Variants in AXDND1 observed in about 807,000 individuals in gnomAD.
AXDND1 encodes axonemal dynein light chain domain containing 1.
In AXDND1, 110 loss-of-function variants were observed where a neutral mutation model predicts 137.5. That is an observed-to-expected ratio of 0.80 (90% CI 0.69 to 0.94). The LOEUF (loss-of-function observed/expected upper bound fraction) is 0.94, where lower values mean the gene tolerates loss of function less well. Among genes scored for constraint, AXDND1 ranks in the 40% least tolerant of loss-of-function variants. AXDND1 has a pLI of 0.00. For synonymous variants in AXDND1, 414 were observed against 399.7 expected (o/e 1.04, Z -0.43); for missense variants, 1,191 against 1,169.8 (o/e 1.02, Z -0.26).
intron 6 of AXDND1, 36 bp downstream of exon 6, chr1:179,379,518 G>T: frequency 6.2e-7 from 1 of 1,604,862 alleles, no homozygotes; most frequent in Non-Finnish European, 8.5e-7. Flanking sequence ...ACCTGCCCCA[G>T]CTCGGTGGCC....
intron 16 of AXDND1, chr1:179,457,142 G>A (rs546383325): frequency 1.3e-4 from 119 of 889,104 alleles, no homozygotes; most frequent in Non-Finnish European, 1.8e-4. Flanking sequence ...CACCTTCTCC[G>A]CAGTGGCATG....
chr1:179,391,196 T>G (rs1408401503), intron 9 of AXDND1, among the ~76,000 whole-genome samples: 1 of 152,054 alleles, frequency 6.6e-6, no homozygotes, highest in African/African-American at 2.4e-5. Flanking sequence ...CATTACTTTC[T>G]CTCTTGCATA....
intron 16 of AXDND1, among the ~76,000 whole-genome samples, chr1:179,459,701 TTCC>T (rs1274789817): frequency 6.8e-6 from 1 of 147,312 alleles, no homozygotes; most frequent in East Asian, 2.0e-4. Flanking sequence ...CTTTCTTTCT[TTCC>T]TTTCTTTCTT....
intron 11 of AXDND1, among the ~76,000 whole-genome samples, chr1:179,399,288 A>G (rs1033473859): frequency 1.3e-5 from 2 of 152,224 alleles, no homozygotes; most frequent in African/African-American, 4.8e-5. Flanking sequence ...CTTACAGCCA[A>G]TTGATCTTCA....
intron 19 of AXDND1, among the ~76,000 whole-genome samples, 192 bp downstream of exon 19, chr1:179,491,929 G>T (rs78866587): frequency 3.3e-5 from 5 of 152,282 alleles, no homozygotes; most frequent in African/African-American, 1.2e-4. Context: ...AAAACTGTTG[G>T]CACGGGCAGG....
chr1:179,511,393 G>GT (rs1553300905), intron 21 of AXDND1, among the ~76,000 whole-genome samples: 2 of 145,076 alleles, frequency 1.4e-5, no homozygotes, highest in Non-Finnish European at 3.0e-5. Flanking sequence ...TGGTATATGG[G>GT]GTGTGTGTGT....
At chr1:179,407,056 A>G (rs1653079473) in intron 11 of AXDND1, among the ~76,000 whole-genome samples, 1 of 151,848 alleles carries the variant, frequency 6.6e-6, no homozygotes, top group Non-Finnish European at 1.5e-5. Context: ...ATGTGTTTGC[A>G]TGATGGTAGA....
At chr1:179,496,761 T>C (rs531720518) in intron 20 of AXDND1, among the ~76,000 whole-genome samples, 1 of 152,152 alleles carries the variant, frequency 6.6e-6, no homozygotes, top group South Asian at 2.1e-4. Context: ...TTGCTCTTCA[T>C]TTTCTGGTTT....
intron 6 of AXDND1, among the ~76,000 whole-genome samples, chr1:179,379,704 G>A (rs1647900226): frequency 1.3e-5 from 2 of 149,714 alleles, no homozygotes; most frequent in South Asian, 4.2e-4. Flanking sequence ...GCTGAGGCAG[G>A]AGAATCACTT....
chr1:179,376,517 G>A (rs1027617709), intron 4 of AXDND1, among the ~76,000 whole-genome samples: 40 of 152,200 alleles, frequency 2.6e-4, no homozygotes, highest in Admixed American at 1.5e-3. Context: ...GTCACCATGT[G>A]CTGTTGTGTC....
At chr1:179,456,633 C>T in intron 16 of AXDND1, 1 of 842,682 alleles carries the variant, frequency 1.2e-6, no homozygotes, top group Non-Finnish European at 2.0e-6. Context: ...GCCACCATAT[C>T]CATCACCACC....
At chr1:179,543,533 G>A (rs1045028902) in intron 25 of AXDND1, 3 of 152,252 alleles carry the variant, frequency 2.0e-5, no homozygotes, top group East Asian at 1.9e-4. Flanking sequence ...ATCAAGGTCT[G>A]TGCACAGGAG....
At chr1:179,396,508 C>T (rs985082030) in intron 11 of AXDND1, among the ~76,000 whole-genome samples, 8 of 151,536 alleles carry the variant, frequency 5.3e-5, no homozygotes, top group South Asian at 2.1e-4. Flanking sequence ...AATTAGCTGA[C>T]ATGGTGGCAC....
chr1:179,476,685 T>A (rs12136977), intron 17 of AXDND1, among the ~76,000 whole-genome samples: 69,356 of 151,958 alleles, frequency 0.46, 16,705 homozygotes, highest in East Asian at 0.76. Flanking sequence ...CCCACTGCTT[T>A]TTGGCACCTA....
intron 11 of AXDND1, among the ~76,000 whole-genome samples, chr1:179,402,350 A>G (rs1016417022): frequency 6.6e-6 from 1 of 152,042 alleles, no homozygotes; most frequent in African/African-American, 2.4e-5. Context: ...TATACCTTCA[A>G]TCCTACCTTT....
At chr1:179,521,191 C>T (rs1184047012) in intron 21 of AXDND1, among the ~76,000 whole-genome samples, 2 of 151,844 alleles carry the variant, frequency 1.3e-5, no homozygotes, top group Non-Finnish European at 2.9e-5. Context: ...TTCCTGGGCT[C>T]AAGTGATCCT....
At chr1:179,430,799 A>G (rs1340623006) in intron 14 of AXDND1, among the ~76,000 whole-genome samples, 193 bp downstream of exon 14, 1 of 152,172 alleles carries the variant, frequency 6.6e-6, no homozygotes, top group Non-Finnish European at 1.5e-5. Flanking sequence ...GTATCTCTCT[A>G]GTCCATCCCG....
rs1353610058 is a variant in AXDND1 at position 179,445,053 on chromosome 1, G to A, written c.1647G>A (p.Gln549=). The change falls in exon 16 of 26, where the codon CAG becomes CAA. Residue 549 remains glutamine, a synonymous_variant. Transcript: ENST00000367618. Reference sequence around the variant, plus strand: ...CTCTCAAGATTATTAAACATTTACAGGAAAACTGGGCAGATATTGGGCTTG... The same window carrying A: ...CTCTCAAGATTATTAAACATTTACAAGAAAACTGGGCAGATATTGGGCTTG... ...YDTLKIIKHL[Q]ENWADIGLGI... The A allele has an allele frequency of 3.7e-6, 6 of 1,613,334 alleles. No homozygotes were observed. In the East Asian group the frequency reaches 1.3e-4, roughly 36 times the overall value.
intron 17 of AXDND1, among the ~76,000 whole-genome samples, chr1:179,473,993 G>T (rs544847469): frequency 6.6e-6 from 1 of 152,108 alleles, no homozygotes; most frequent in Non-Finnish European, 1.5e-5. Flanking sequence ...GGAGGCCAAC[G>T]TGGGCGGATC....
Sources: allele counts gnomAD v4.1 joint callset (sites outside exome capture counted in the v4.1 genomes callset), GRCh38; gene constraint gnomAD v4.1.1; transcripts MANE v1.5; gene names NCBI Gene and HGNC (gene_info 2026-07-23, HGNC 2026-07-21).